NEGR1: variants seen among roughly 807,000 people sequenced by gnomAD.
NEGR1 encodes neuronal growth regulator 1.
Under a neutral mutation model 40.9 loss-of-function variants are expected in NEGR1, and 10 were observed. The observed-to-expected ratio is 0.24, with a 90% CI of 0.15 to 0.42. The LOEUF is 0.42. NEGR1 is among the 10% of genes least tolerant of loss of function. NEGR1 has a pLI of 1.00. For missense variants in NEGR1, 352 were observed against 438.9 expected (o/e 0.80, Z 1.77); for synonymous variants, 185 against 166.8 (o/e 1.11, Z -0.84).
intron 6 of NEGR1, among the ~76,000 whole-genome samples, chr1:71,442,801 T>A (rs892578059): frequency 6.6e-6 from 1 of 152,180 alleles, no homozygotes; most frequent in African/African-American, 2.4e-5. Context: ...CTGGACCTTG[T>A]TTTGAGAGAA....
At chr1:72,063,473 A>G (rs1396425164) in intron 1 of NEGR1, among the ~76,000 whole-genome samples, 2 of 151,868 alleles carry the variant, frequency 1.3e-5, no homozygotes, top group Non-Finnish European at 1.5e-5. Flanking sequence ...CGTTTTTGCC[A>G]TTGTAACGGC....
intron 3 of NEGR1, among the ~76,000 whole-genome samples, chr1:71,731,470 G>T (rs979808875): frequency 1.3e-5 from 2 of 152,180 alleles, no homozygotes; most frequent in Non-Finnish European, 2.9e-5. Context: ...AAAAGGCAGA[G>T]CCAATGTAAG....
intron 3 of NEGR1, among the ~76,000 whole-genome samples, chr1:71,764,782 T>G (rs566391764): frequency 9.8e-5 from 15 of 152,310 alleles, no homozygotes; most frequent in African/African-American, 3.1e-4. Flanking sequence ...CTATGGTCAC[T>G]TTGCATTTGA....
chr1:71,848,661 A>T (rs1659500483), intron 2 of NEGR1, among the ~76,000 whole-genome samples: 1 of 152,220 alleles, frequency 6.6e-6, no homozygotes, highest in African/African-American at 2.4e-5. Context: ...TTAACAATGT[A>T]CCTGGTCACC....
At position 72,060,133 on chromosome 1, in the gene NEGR1, A is replaced by T. The variant is rs559525714; in HGVS notation, c.177-124822T>A. Among the ~76,000 whole-genome samples, 3 of 151,840 alleles carry T rather than the reference A, an allele frequency of 2.0e-5. No individual in the cohort carries two copies. The East Asian group carries it at 5.8e-4, about 29-fold the overall frequency. On this transcript the variant is annotated intron_variant, in intron 1 of 6. Transcript: ENST00000357731. ...ATTGCTTTTAGGAAATTACGATATT[A>T]ATAATTTACACCCATGTCAATAGCA...
At chr1:71,913,413 C>T (rs1661478615) in intron 2 of NEGR1, among the ~76,000 whole-genome samples, 1 of 152,168 alleles carries the variant, frequency 6.6e-6, no homozygotes, top group African/African-American at 2.4e-5. Context: ...CTGCGCCCAG[C>T]CGGAAGCAAT....
chr1:72,045,870 A>C (rs949225909), intron 1 of NEGR1, among the ~76,000 whole-genome samples: 1 of 151,838 alleles, frequency 6.6e-6, no homozygotes, highest in African/African-American at 2.4e-5. Context: ...GAAATTTCGA[A>C]AGAATATCTT....
chr1:72,078,134 CA>C (rs1239760057), intron 1 of NEGR1, among the ~76,000 whole-genome samples: 1 of 152,042 alleles, frequency 6.6e-6, no homozygotes. Context: ...CATCCATAAT[CA>C]ACTAGTAGTA....
chr1:71,848,782 T>C (rs1557676079), intron 2 of NEGR1, among the ~76,000 whole-genome samples: 2 of 152,164 alleles, frequency 1.3e-5, no homozygotes, highest in Admixed American at 6.5e-5. Flanking sequence ...TTTCAAGACT[T>C]ACTATTTAAG....
intron 2 of NEGR1, among the ~76,000 whole-genome samples, chr1:71,869,143 A>T (rs571592131): frequency 6.6e-6 from 1 of 152,310 alleles, no homozygotes; most frequent in African/African-American, 2.4e-5. Context: ...TTATTCATAG[A>T]TTAATATTTA....
intron 1 of NEGR1, among the ~76,000 whole-genome samples, chr1:72,273,844 A>C (rs12737564): frequency 0.13 from 20,378 of 151,638 alleles, 1,617 homozygotes; most frequent in Non-Finnish European, 0.18. Context: ...AAAAAAAAAA[A>C]CACTTAAATA....
In NEGR1 at chr1:72,212,537, T is replaced by G. The variant is rs528903872; in HGVS notation, c.176+69782A>C. ...CACAAATGTACAATTTCTGAGGATA[T>G]TCTTATAATCCAGAGCACTGCTTAT... On this transcript the variant is annotated intron_variant, in intron 1 of 6. Coordinates refer to ENST00000357731, the MANE Select transcript of NEGR1 (RefSeq NM_173808.3). Among the ~76,000 whole-genome samples, 9 of 152,094 alleles carry G rather than the reference T, an allele frequency of 5.9e-5. No individual in the cohort carries two copies. In the South Asian group the frequency reaches 1.9e-3, roughly 32 times the overall value.
At chr1:72,104,149 C>T (rs1345097310) in intron 1 of NEGR1, among the ~76,000 whole-genome samples, 4 of 151,908 alleles carry the variant, frequency 2.6e-5, no homozygotes, top group Non-Finnish European at 5.9e-5. Context: ...TTTTTATCCC[C>T]TTGGTATGCT....
chr1:72,133,580 G>T (rs1360265927), intron 1 of NEGR1, among the ~76,000 whole-genome samples: 1 of 151,860 alleles, frequency 6.6e-6, no homozygotes, highest in East Asian at 1.9e-4. Context: ...TTAAAAAAGT[G>T]ACATTGTGGT....
At chr1:71,708,926 C>G (rs967066362) in intron 3 of NEGR1, among the ~76,000 whole-genome samples, 15 of 152,180 alleles carry the variant, frequency 9.9e-5, no homozygotes, top group African/African-American at 3.4e-4. Context: ...AGATCTTATT[C>G]CTTTCTATGG....
At chr1:72,267,162 C>G (rs1655673949) in intron 1 of NEGR1, among the ~76,000 whole-genome samples, 1 of 150,998 alleles carries the variant, frequency 6.6e-6, no homozygotes, top group South Asian at 2.1e-4. Flanking sequence ...ATCATTAACC[C>G]ATTTTACAGT....
intron 1 of NEGR1, among the ~76,000 whole-genome samples, chr1:72,097,171 G>T (rs908100625): frequency 1.3e-5 from 2 of 152,146 alleles, no homozygotes; most frequent in African/African-American, 4.8e-5. Context: ...AGGCTCCAGA[G>T]GCTGGGTTTG....
chr1:71,538,944 T>C (rs1310079055), intron 6 of NEGR1, among the ~76,000 whole-genome samples: 1 of 151,722 alleles, frequency 6.6e-6, no homozygotes, highest in Admixed American at 6.6e-5. Context: ...ACATTACTAA[T>C]AGGTTATAAT....
At chr1:71,628,693 C>T (rs532465006) in intron 4 of NEGR1, among the ~76,000 whole-genome samples, 323 of 152,002 alleles carry the variant, frequency 2.1e-3, no homozygotes, top group Middle Eastern at 3.4e-3. Flanking sequence ...TATTAGTTTG[C>T]TGAGAATGAT....
Sources: gnomAD v4.1 joint callset for allele counts (sites outside exome capture counted in the v4.1 genomes callset) on GRCh38, gnomAD v4.1.1 for gene constraint, MANE v1.5 for transcripts, NCBI Gene and HGNC (gene_info 2026-07-23, HGNC 2026-07-21) for gene names.